The following DAB1 variants were observed in gnomAD, a reference collection of about 807,000 sequenced individuals.
The protein encoded by DAB1 is disabled homolog 1.
In DAB1, 15 loss-of-function variants were observed where a neutral mutation model predicts 64.6. That is an observed-to-expected ratio of 0.23 (90% confidence interval 0.16 to 0.36). The LOEUF (loss-of-function observed/expected upper bound fraction) is 0.36. DAB1 is among the 10% of genes least tolerant of loss of function. The pLI is 1.00. For synonymous variants in DAB1, 235 were observed against 251.9 expected, an observed-to-expected ratio of 0.93 and a Z score of 0.64; for missense variants, 596 against 706.7, an observed-to-expected ratio of 0.84 and a Z score of 1.78.
At chr1:58,276,920 C>A (rs535761201) in intron 4 of DAB1, among the ~76,000 whole-genome samples, 1 of 151,440 alleles carries the variant, frequency 6.6e-6, no homozygotes, top group East Asian at 1.9e-4. Flanking sequence ...TGTGAACCCT[C>A]TTTGTTAAGG....
At chr1:57,611,855 A>G (rs1645730527) in intron 7 of DAB1, among the ~76,000 whole-genome samples, 1 of 152,186 alleles carries the variant, frequency 6.6e-6, no homozygotes, top group African/African-American at 2.4e-5. Context: ...CCTCTGCTAT[A>G]AATCCTCTAA....
At chr1:57,771,355 AATAAAT>A (rs76757381) in intron 6 of DAB1, among the ~76,000 whole-genome samples, 1 of 152,146 alleles carries the variant, frequency 6.6e-6, no homozygotes, top group Non-Finnish European at 1.5e-5. Flanking sequence ...GCAACCATGA[AATAAAT>A]ATAAATATAA....
At chr1:57,826,957 A>T (rs1445251773) in intron 1 of DAB1, among the ~76,000 whole-genome samples, 1 of 152,232 alleles carries the variant, frequency 6.6e-6, no homozygotes, top group African/African-American at 2.4e-5. Flanking sequence ...AAAGAAAAAG[A>T]GATGAAGAAG....
chr1:58,520,206 T>C (rs1646240801), intron 2 of DAB1, among the ~76,000 whole-genome samples: 1 of 152,054 alleles, frequency 6.6e-6, no homozygotes, highest in Non-Finnish European at 1.5e-5. Context: ...ACGTGCAATT[T>C]ACCCACGTAA....
chr1:57,382,199 C>CA (rs1681440930), intron 1 of DAB1, among the ~76,000 whole-genome samples: 2 of 152,160 alleles, frequency 1.3e-5, no homozygotes, highest in African/African-American at 4.8e-5. Context: ...AACACACTCT[C>CA]ACCCAACAGC....
chr1:58,490,022 A>C (rs2100372354), intron 3 of DAB1, among the ~76,000 whole-genome samples: 1 of 152,362 alleles, frequency 6.6e-6, no homozygotes, highest in South Asian at 2.1e-4. Flanking sequence ...GAAAATTCTA[A>C]AAATCAGAGT....
chr1:57,015,666 G>A (rs1227456248), intron 11 of DAB1, among the ~76,000 whole-genome samples: 1 of 152,204 alleles, frequency 6.6e-6, no homozygotes, highest in Non-Finnish European at 1.5e-5. Flanking sequence ...GCAAAAACTA[G>A]AATGCTAGTA....
chr1:57,280,599 C>T (rs17115495), intron 2 of DAB1, among the ~76,000 whole-genome samples: 4,040 of 152,340 alleles, frequency 0.027, 170 homozygotes, highest in African/African-American at 0.092. Flanking sequence ...GGCCCAGTCA[C>T]TGCCAGAGGC....
At chr1:57,373,375 G>GCAAAT (rs61145158) in intron 1 of DAB1, among the ~76,000 whole-genome samples, 3,112 of 152,226 alleles carry the variant, frequency 0.02, 41 homozygotes, top group South Asian at 0.043. Context: ...TCAGTTAACA[G>GCAAAT]CAAATAAAGT....
intron 1 of DAB1, among the ~76,000 whole-genome samples, chr1:57,367,254 A>G (rs1303117164): frequency 6.6e-6 from 1 of 152,014 alleles, no homozygotes; most frequent in Non-Finnish European, 1.5e-5. Flanking sequence ...CAGCCTGGGT[A>G]AAAGAGCATG....
chr1:57,416,690 G>C (rs910252673), intron 1 of DAB1, among the ~76,000 whole-genome samples: 1 of 152,054 alleles, frequency 6.6e-6, no homozygotes, highest in African/African-American at 2.4e-5. Flanking sequence ...TTTCAATATT[G>C]TCTATGGAAA....
intron 4 of DAB1, among the ~76,000 whole-genome samples, chr1:57,119,208 C>T (rs2100747105): frequency 6.6e-6 from 1 of 152,304 alleles, no homozygotes; most frequent in South Asian, 2.1e-4. Flanking sequence ...TTAATCTAAA[C>T]AATGCAAGAT....
chr1:57,267,666 T>A (rs183128006), intron 2 of DAB1, among the ~76,000 whole-genome samples: 112 of 152,282 alleles, frequency 7.4e-4, no homozygotes, highest in African/African-American at 2.5e-3. Flanking sequence ...TGCTTTTGTT[T>A]TTGTTTTTTG....
At chr1:57,459,757 T>C (rs1266319127) in intron 7 of DAB1, among the ~76,000 whole-genome samples, 2 of 152,318 alleles carry the variant, frequency 1.3e-5, no homozygotes, top group Non-Finnish European at 1.5e-5. Context: ...ACTGAGCCAA[T>C]GCTGTTCTCA....
chr1:57,603,711 G>C (rs74077726), intron 7 of DAB1, among the ~76,000 whole-genome samples: 1 of 152,028 alleles, frequency 6.6e-6, no homozygotes, highest in Non-Finnish European at 1.5e-5. Flanking sequence ...CAAGAGGCTC[G>C]AAGCAAAGCA....
At chr1:57,480,516 G>A (rs558762254) in intron 7 of DAB1, among the ~76,000 whole-genome samples, 163 of 150,100 alleles carry the variant, frequency 1.1e-3, no homozygotes, top group Non-Finnish European at 1.7e-3. Flanking sequence ...ACAGAGTCTC[G>A]CTCTGTCACC....
chr1:58,209,574 A>G (rs919571172), intron 4 of DAB1, among the ~76,000 whole-genome samples: 1 of 152,202 alleles, frequency 6.6e-6, no homozygotes, highest in Non-Finnish European at 1.5e-5. Flanking sequence ...TTTCTTAAAG[A>G]CCAGGAATGT....
intron 1 of DAB1, among the ~76,000 whole-genome samples, chr1:57,291,395 G>A (rs1015868536): frequency 2.0e-5 from 3 of 152,126 alleles, no homozygotes; most frequent in South Asian, 2.1e-4. Flanking sequence ...ATCTTTAAAA[G>A]TCTAGATTTA....
chr1:57,187,231 T>C (rs1663657699), intron 2 of DAB1, among the ~76,000 whole-genome samples: 2 of 152,170 alleles, frequency 1.3e-5, no homozygotes, highest in African/African-American at 4.8e-5. Flanking sequence ...GAAGCTCGGA[T>C]CCAAATCTGT....
Sources: gnomAD v4.1 joint callset for allele counts (sites outside exome capture counted in the v4.1 genomes callset) on GRCh38, gnomAD v4.1.1 for gene constraint, MANE v1.5 for transcripts, NCBI Gene and HGNC (gene_info 2026-07-23, HGNC 2026-07-21) for gene names.